The following CDH11 variants were observed in gnomAD, a reference collection of about 807,000 sequenced individuals.
CDH11 encodes the protein cadherin-11.
In CDH11, 11 loss-of-function variants were observed where a neutral mutation model predicts 67.8. That is an observed-to-expected ratio of 0.16 (90% CI 0.10 to 0.27). The LOEUF is 0.27. Ranked by LOEUF, CDH11 falls within the 10% of genes least tolerant of loss-of-function variation. The pLI, the probability that CDH11 is intolerant of heterozygous loss-of-function variation, is 1.00. For synonymous variants in CDH11, 419 were observed against 400.0 expected (o/e 1.05, Z -0.57); for missense variants, 847 against 1,031.2 (o/e 0.82, Z 2.45).
chr16:64,993,211 T>TTCCTTCCTTCCTTCCC (rs2072677242), intron 4 of CDH11, among the ~76,000 whole-genome samples, 177 bp from the exon 5 acceptor site: 1 of 151,774 alleles, frequency 6.6e-6, no homozygotes, highest in Admixed American at 6.6e-5. Context: ...CCTTCCTTCC[T>TTCCTTCCTTCCTTCCC]TCCTTCCTTC....
intron 12 of CDH11, chr16:64,948,438 G>A: frequency 1.5e-6 from 1 of 661,878 alleles, no homozygotes; most frequent in East Asian, 2.6e-5. Context: ...TCTCTTAGAA[G>A]TGGCTAATGC....
chr16:65,051,523 G>A, intron 2 of CDH11, among the ~76,000 whole-genome samples: 1 of 152,164 alleles, frequency 6.6e-6, no homozygotes. Context: ...AAAAGTTATA[G>A]CACTATGGCC....
In CDH11 at chr16:64,971,287, G is replaced by GA. The variant is rs1272359623; in HGVS notation, c.1642+291dup. ...TCCCCCAAGGGTTTATCAACCTCTT[G>GA]AAAAAAAAGATAAATGGAGTTGTTT... On this transcript the variant is annotated intron_variant, in intron 11 of 12. Transcript: ENST00000268603. Among the ~76,000 whole-genome samples, 8 of 151,934 alleles carry GA rather than the reference G, an allele frequency of 5.3e-5. No homozygotes were observed. The East Asian group carries it at 5.8e-4, about 11-fold the overall frequency.
At position 64,945,906 on chromosome 16, in the gene CDH11, A is replaced by G; in HGVS notation, c.*1697T>C. The G allele has an allele frequency of 1.9e-6, 2 of 1,057,818 alleles. No homozygotes were observed. Among genetic ancestry groups the G allele is most frequent in the Non-Finnish European group, 2.3e-6 (2 of 874,546 alleles). 65.5% of individuals were successfully genotyped at this position (1,057,818 alleles called of 1,614,324 possible). A position where few individuals can be genotyped will look rare whatever the true frequency, so the allele number is the denominator to read the frequency against. On this transcript the variant is annotated 3_prime_UTR_variant, in exon 13 of 13. Coordinates refer to ENST00000268603, the MANE Select transcript of CDH11 (RefSeq NM_001797.4). ...AAGCACGTGCCCTGTGTGTAGGGGG[A>G]AAGAGGGAAAGCACTTGCAGTGTGA...
chr16:64,943,990 G>C lies in CDH11; in HGVS notation c.*3613C>G, dbSNP rs1001478278. 4.3e-6 allele frequency: 1 copy of C among 231,944 alleles called. No homozygotes were observed. Among genetic ancestry groups the C allele is most frequent in the African/African-American group, 2.2e-5 (1 of 45,262 alleles). The allele number at this position is 231,944 out of a possible 1,614,324, so 14.4% of individuals were successfully genotyped here. ...AGGGTGACCTGCTTTCCATGGAAAA[G>C]GAACGTGTTTTTTTTTGTATCAGGA... On this transcript the variant is annotated 3_prime_UTR_variant, in exon 13 of 13. Coordinates refer to ENST00000268603, the MANE Select transcript of CDH11 (RefSeq NM_001797.4).
intron 1 of CDH11, among the ~76,000 whole-genome samples, chr16:65,095,546 A>G (rs2074874714): frequency 2.0e-5 from 3 of 152,134 alleles, no homozygotes; most frequent in Admixed American, 2.0e-4. Context: ...CAAGTCTGTA[A>G]TCAGTTTACT....
Position 64,944,023 on chromosome 16 carries a change from G to C in CDH11, c.*3580C>G. 4.3e-6 allele frequency: 1 copy of C among 232,368 alleles called. No individual in the cohort carries two copies. Among genetic ancestry groups the C allele is most frequent in the East Asian group, 6.1e-5 (1 of 16,476 alleles). 14.4% of individuals were successfully genotyped at this position (232,368 alleles called of 1,614,324 possible). ...TTTTTTTTTGTATCAGGAACCGAAA[G>C]ATGGCCAGTGTGGCTGGAGCATCGT... On this transcript the variant is annotated 3_prime_UTR_variant, in exon 13 of 13. Transcript: ENST00000268603.
intron 1 of CDH11, among the ~76,000 whole-genome samples, chr16:65,117,286 A>C: frequency 6.6e-6 from 1 of 152,214 alleles, no homozygotes; most frequent in East Asian, 1.9e-4. Context: ...GTACTCACTT[A>C]AGACAAAAAA....
intron 2 of CDH11, among the ~76,000 whole-genome samples, chr16:65,052,671 A>T (rs192131909): frequency 6.6e-6 from 1 of 152,322 alleles, no homozygotes; most frequent in African/African-American, 2.4e-5. Flanking sequence ...GGAAAGTACA[A>T]TATGTACGGA....
rs140903636 is a variant in CDH11, at chr16:65,042,650, G to A, written c.-173+11154C>T. On this transcript the variant is annotated intron_variant, in intron 2 of 12. Transcript: ENST00000268603. ...ACGTCAATAAATAGTTTAAAATAAG[G>A]ACCGTAGAGAATTGCAAGAAAACCC... Among the ~76,000 whole-genome samples the A allele has an allele frequency of 1.8e-3, 280 of 152,184 alleles. 2 individuals carry two copies. Among genetic ancestry groups the A allele is most frequent in the Non-Finnish European group, 3.5e-3 (237 of 67,994 alleles).
intron 1 of CDH11, among the ~76,000 whole-genome samples, chr16:65,064,500 C>G (rs982143201): frequency 1.3e-5 from 2 of 152,174 alleles, no homozygotes; most frequent in Admixed American, 6.5e-5. Flanking sequence ...AACAGGGGCC[C>G]CACCAATTGC....
At chr16:65,081,416 A>C (rs1230492483) in intron 1 of CDH11, among the ~76,000 whole-genome samples, 3 of 152,134 alleles carry the variant, frequency 2.0e-5, no homozygotes, top group Non-Finnish European at 4.4e-5. Flanking sequence ...AAAATACAAA[A>C]AAATTAGCCG....
chr16:65,091,945 C>T (rs2142832084), intron 1 of CDH11, among the ~76,000 whole-genome samples: 1 of 152,218 alleles, frequency 6.6e-6, no homozygotes, highest in South Asian at 2.1e-4. Flanking sequence ...CTCCTTTTCC[C>T]AGGGATAATA....
chr16:64,985,347 C>T (rs1311580435), intron 7 of CDH11: 1 of 152,034 alleles, frequency 6.6e-6, no homozygotes, highest in South Asian at 2.1e-4. Context: ...CCTCTTCTAC[C>T]TTCTTCAATT....
chr16:65,070,265 C>A (rs986666593), intron 1 of CDH11, among the ~76,000 whole-genome samples: 2 of 152,150 alleles, frequency 1.3e-5, no homozygotes, highest in African/African-American at 4.8e-5. Flanking sequence ...AGCCACGGAA[C>A]ATGGAGAGAA....
chr16:64,975,803 T>C (rs541570793), intron 8 of CDH11, among the ~76,000 whole-genome samples: 1 of 152,248 alleles, frequency 6.6e-6, no homozygotes, highest in Admixed American at 6.5e-5. Flanking sequence ...ACCTCAGCAC[T>C]ACACAATATA....
At chr16:64,986,738 T>C (rs1481785728) in intron 7 of CDH11, 1 of 152,150 alleles carries the variant, frequency 6.6e-6, no homozygotes, top group Non-Finnish European at 1.5e-5. Flanking sequence ...TGTAGACTTT[T>C]CCAAGTATCC....
intron 1 of CDH11, among the ~76,000 whole-genome samples, chr16:65,098,963 A>T (rs2074944637): frequency 6.6e-6 from 1 of 152,156 alleles, no homozygotes; most frequent in African/African-American, 2.4e-5. Context: ...GATCTCTATT[A>T]TATTTGATAT....
intron 1 of CDH11, among the ~76,000 whole-genome samples, chr16:65,104,705 G>A (rs2075041140): frequency 6.6e-6 from 1 of 152,270 alleles, no homozygotes; most frequent in African/African-American, 2.4e-5. Context: ...AATGGAAGGA[G>A]ACAATGAATG....
Sources: allele counts gnomAD v4.1 joint callset (sites outside exome capture counted in the v4.1 genomes callset), GRCh38; gene constraint gnomAD v4.1.1; transcripts MANE v1.5; gene names NCBI Gene and HGNC (gene_info 2026-07-23, HGNC 2026-07-21).